The following SLCO1A2 variants were observed in gnomAD, a reference collection of about 807,000 sequenced individuals.
SLCO1A2 encodes the protein OATP-1.
In SLCO1A2, 67 loss-of-function variants were observed where a neutral mutation model predicts 69.0. The ratio of observed to expected loss-of-function variants is 0.97; its 90% CI spans 0.80 to 1.19. SLCO1A2 has a LOEUF of 1.19. SLCO1A2 is among the 50% of genes most tolerant of loss of function. The pLI is 0.00. For missense variants in SLCO1A2, 787 were observed against 793.7 expected, an observed-to-expected ratio of 0.99 and a Z score of 0.10; for synonymous variants, 260 against 265.9, an observed-to-expected ratio of 0.98 and a Z score of 0.22.
At chr12:21,378,484 AAC>A in intron 1 of SLCO1A2, 27 of 1,395,584 alleles carry the variant, frequency 1.9e-5, no homozygotes, top group Non-Finnish European at 2.6e-5. Flanking sequence ...TGTATAATTT[AAC>A]AGTGCCCTTT....
At chr12:21,322,652 T>G (rs572469502) in intron 2 of SLCO1A2, among the ~76,000 whole-genome samples, 2 of 151,128 alleles carry the variant, frequency 1.3e-5, no homozygotes, top group East Asian at 3.9e-4. Flanking sequence ...ACAACAGATG[T>G]AAATGTTTCT....
At chr12:21,309,792 G>T (rs1419651760) in intron 4 of SLCO1A2, among the ~76,000 whole-genome samples, 1 of 152,110 alleles carries the variant, frequency 6.6e-6, no homozygotes, top group Non-Finnish European at 1.5e-5. Flanking sequence ...AAATTCTCAA[G>T]GATAATAATG....
intron 8 of SLCO1A2, among the ~76,000 whole-genome samples, chr12:21,299,678 A>G (rs1240574789): frequency 6.7e-6 from 1 of 148,770 alleles, no homozygotes; most frequent in Non-Finnish European, 1.5e-5. Flanking sequence ...TTTTGTTCTT[A>G]GTTTAAATTT....
At chr12:21,390,251 A>G (rs970595335) in intron 1 of SLCO1A2, among the ~76,000 whole-genome samples, 5 of 152,048 alleles carry the variant, frequency 3.3e-5, no homozygotes, top group African/African-American at 1.2e-4. Context: ...ATCTGACCAT[A>G]TGGCCAAACT....
chr12:21,312,982 A>C (rs1950408944), intron 4 of SLCO1A2, among the ~76,000 whole-genome samples: 1 of 152,118 alleles, frequency 6.6e-6, no homozygotes, highest in Admixed American at 6.6e-5. Flanking sequence ...GCCACTGGAG[A>C]GGCTGAAGTG....
chr12:21,411,940 T>G (rs12322793), intron 1 of SLCO1A2, among the ~76,000 whole-genome samples: 8,196 of 152,262 alleles, frequency 0.054, 275 homozygotes, highest in African/African-American at 0.077. Flanking sequence ...GTGCTGGGAC[T>G]GTAGGTGTGA....
rs1447002691 is a variant in SLCO1A2, at chr12:21,297,406, A to C, written c.1073T>G (p.Met358Arg). 1 of 1,609,938 alleles carries C rather than the reference A, an allele frequency of 6.2e-7. No homozygotes were observed. The highest frequency in any genetic ancestry group is 1.3e-5 in the African/African-American group (1 of 74,782). Residue 358 changes from methionine to arginine, a missense_variant and splice_region_variant, in exon 9 of 15, where the codon ATG (methionine) becomes AGG (arginine). Met to Arg is a moderately conservative substitution (Grantham distance 91). Coordinates refer to ENST00000683939, the MANE Select transcript of SLCO1A2 (RefSeq NM_001386879.1). ...AAGGCAGAGAAAAACAAACATACCCATTAGAAAGATTGCATCTGAAGATGA... is the reference window on the plus strand; with the variant it reads ...AAGGCAGAGAAAAACAAACATACCCCTTAGAAAGATTGCATCTGAAGATGA... ...GISSSDAIFL[M>R]GIYNLPPICI...
chr12:21,317,960 A>G (rs1951089022), intron 3 of SLCO1A2, among the ~76,000 whole-genome samples: 1 of 152,126 alleles, frequency 6.6e-6, no homozygotes, highest in South Asian at 2.1e-4. Flanking sequence ...TGCCTCTGAA[A>G]TGAATTCAGA....
At chr12:21,387,096 G>C (rs187173896) in intron 1 of SLCO1A2, among the ~76,000 whole-genome samples, 3 of 152,258 alleles carry the variant, frequency 2.0e-5, no homozygotes, top group African/African-American at 7.2e-5. Flanking sequence ...AGAGAATTTT[G>C]AACTTGAGAG....
intron 2 of SLCO1A2, among the ~76,000 whole-genome samples, chr12:21,352,344 A>G (rs999654443): frequency 6.6e-6 from 1 of 152,186 alleles, no homozygotes; most frequent in Non-Finnish European, 1.5e-5. Flanking sequence ...TACAACTCCA[A>G]TGTCATAGTG....
intron 2 of SLCO1A2, among the ~76,000 whole-genome samples, chr12:21,350,741 G>A (rs1328551459): frequency 6.8e-6 from 1 of 147,324 alleles, no homozygotes; most frequent in African/African-American, 2.5e-5. Flanking sequence ...GAAGGCCGAG[G>A]CAGGGGAATC....
At position 21,275,478 on chromosome 12, in the gene SLCO1A2, A is replaced by G. The variant is rs200951054; in HGVS notation, c.1611-54T>C. On this transcript the variant is annotated intron_variant, in intron 12 of 14. Coordinates refer to ENST00000683939, the MANE Select transcript of SLCO1A2 (RefSeq NM_001386879.1). ...AGAAAAATAAAGATTTAAAACTATCATATTGTCTTGAAAAGGCCAGTTGTA... is the reference window on the plus strand; with the variant it reads ...AGAAAAATAAAGATTTAAAACTATCGTATTGTCTTGAAAAGGCCAGTTGTA... The G allele has an allele frequency of 1.8e-3, 2,354 of 1,344,642 alleles. 73 individuals are homozygous for G. The South Asian group carries it at 0.043, about 24-fold the overall frequency. The allele number at this position is 1,344,642 out of a possible 1,614,324, so 83.3% of individuals were successfully genotyped here.
intron 12 of SLCO1A2, among the ~76,000 whole-genome samples, chr12:21,278,444 C>T (rs530770102): frequency 6.6e-6 from 1 of 152,054 alleles, no homozygotes; most frequent in African/African-American, 2.4e-5. Flanking sequence ...GAGACTAGTG[C>T]TGTGCTGGAT....
intron 8 of SLCO1A2, among the ~76,000 whole-genome samples, chr12:21,299,147 C>G (rs1299352652): frequency 1.3e-5 from 2 of 152,124 alleles, no homozygotes; most frequent in East Asian, 3.9e-4. Flanking sequence ...TTTTAAGTTC[C>G]AATAGCCAGG....
chr12:21,346,791 T>C (rs973397425), intron 2 of SLCO1A2, among the ~76,000 whole-genome samples: 2 of 152,216 alleles, frequency 1.3e-5, no homozygotes, highest in Non-Finnish European at 2.9e-5. Context: ...TGTACTTCAT[T>C]TGGAAACAAG....
upstream of SLCO1A2, among the ~76,000 whole-genome samples, chr12:21,397,824 AC>A (rs1339304160): frequency 1.6e-5 from 2 of 121,766 alleles, no homozygotes; most frequent in Non-Finnish European, 3.4e-5. Flanking sequence ...TTTGAAACCA[AC>A]GAGAACAAAG....
chr12:21,325,277 A>C (rs1278717485), intron 2 of SLCO1A2, among the ~76,000 whole-genome samples: 1 of 152,164 alleles, frequency 6.6e-6, no homozygotes, highest in East Asian at 1.9e-4. Context: ...ACATCCCCCA[A>C]TCAGATACAA....
intron 1 of SLCO1A2, chr12:21,376,320 G>T: frequency 2.8e-6 from 1 of 351,986 alleles, no homozygotes; most frequent in Non-Finnish European, 5.8e-6. Flanking sequence ...TACTTTTTTT[G>T]AGATGTTTGG....
chr12:21,331,510 G>A (rs1169940257), intron 2 of SLCO1A2, among the ~76,000 whole-genome samples: 1 of 151,688 alleles, frequency 6.6e-6, no homozygotes, highest in Non-Finnish European at 1.5e-5. Context: ...AGAAACACCA[G>A]AACAACAAAA....
Sources: gnomAD v4.1 joint callset for allele counts (sites outside exome capture counted in the v4.1 genomes callset) on GRCh38, gnomAD v4.1.1 for gene constraint, MANE v1.5 for transcripts, NCBI Gene and HGNC (gene_info 2026-07-23, HGNC 2026-07-21) for gene names.